Variants in OTOG observed in about 807,000 individuals in gnomAD.
OTOG encodes the protein otogelin.
OTOG carries 296 observed loss-of-function variants against 313.8 expected under a neutral mutation model. That is an observed-to-expected ratio of 0.94 (90% CI 0.86 to 1.04). The LOEUF (loss-of-function observed/expected upper bound fraction) is 1.04, where lower values mean the gene tolerates loss of function less well. Among genes scored for constraint, OTOG ranks in the 50% least tolerant of loss-of-function variants. The pLI is 0.00. For synonymous variants in OTOG, 1,533 were observed against 1,554.9 expected, an observed-to-expected ratio of 0.99 and a Z score of 0.33; for missense variants, 3,948 against 3,840.1, an observed-to-expected ratio of 1.03 and a Z score of -0.74.
chr11:17,566,574 A>G (rs1233605068), intron 15 of OTOG, among the ~76,000 whole-genome samples: 1 of 152,206 alleles, frequency 6.6e-6, no homozygotes, highest in East Asian at 1.9e-4. Flanking sequence ...TTCCACATGG[A>G]TCATTCTAGC....
At position 17,610,447 on chromosome 11, in the gene OTOG, G is replaced by A. The variant is rs575893721; in HGVS notation, c.5147G>A (p.Ser1716Asn). The A allele has an allele frequency of 3.9e-6, 6 of 1,550,604 alleles. No homozygotes were observed. The South Asian group carries it at 7.1e-5, about 18-fold the overall frequency. ...QVPVSPLATR[S>N]LEIVLSTEKG... is the part of the protein sequence containing the mutation. ...CCTGTCAGTCCCCTTGCAACCAGGAGCTTGGAGATAGTGCTATCCACAGAG... is the reference window on the plus strand; with the variant it reads ...CCTGTCAGTCCCCTTGCAACCAGGAACTTGGAGATAGTGCTATCCACAGAG... The change falls in exon 36 of 56, where the codon AGC (serine) becomes AAC (asparagine). Residue 1716 changes from serine (S) to asparagine (N), a missense_variant. By Grantham distance (46) the Ser-to-Asn change is conservative (BLOSUM62 1). Transcript: ENST00000399397.
Position 17,596,958 on chromosome 11 carries a change from G to A in OTOG, c.3633G>A (p.Gln1211=). Residue 1211 remains glutamine, a synonymous_variant, in exon 30 of 56, where the codon CAG becomes CAA. Coordinates refer to ENST00000399397, the MANE Select transcript of OTOG (RefSeq NM_001292063.2). The stretch of plus-strand genomic sequence containing the variant: ...CCAGCGTCTCCGCTTATGCCCACCA[G>A]TGTTGCCAGCATGGGGTGGCTGTTG... ...FCASVSAYAH[Q]CCQHGVAVDW... The A allele has an allele frequency of 1.3e-6, 2 of 1,550,668 alleles. No homozygotes were observed. Among genetic ancestry groups the A allele is most frequent in the Non-Finnish European group, 1.7e-6 (2 of 1,147,016 alleles).
intron 15 of OTOG, among the ~76,000 whole-genome samples, chr11:17,567,782 T>G (rs1267107166): frequency 6.6e-6 from 1 of 152,250 alleles, no homozygotes; most frequent in African/African-American, 2.4e-5. Context: ...CTCCTTCTTC[T>G]TCTTCTCTCT....
At chr11:17,579,317 A>C (rs1413832214) in intron 23 of OTOG, among the ~76,000 whole-genome samples, 1 of 152,188 alleles carries the variant, frequency 6.6e-6, no homozygotes, top group Non-Finnish European at 1.5e-5. Context: ...GGGGACAGTC[A>C]GTTGGAGCTT....
At chr11:17,562,054 T>C (rs867603310) in intron 15 of OTOG, among the ~76,000 whole-genome samples, 1 of 138,118 alleles carries the variant, frequency 7.2e-6, no homozygotes, top group East Asian at 2.0e-4. Context: ...AAAATATATA[T>C]ATATATATAT....
At chr11:17,558,065 A>C in intron 8 of OTOG, 120 bp from the exon 9 acceptor site, 1 of 1,250,850 alleles carries the variant, frequency 8.0e-7, no homozygotes, top group Non-Finnish European at 1.1e-6. Flanking sequence ...AGCTCAGGAG[A>C]CCGGATTCTT....
At chr11:17,635,771 C>T in intron 47 of OTOG, 60 bp downstream of exon 47, 5 of 1,370,306 alleles carry the variant, frequency 3.6e-6, no homozygotes, top group Admixed American at 3.9e-5. Flanking sequence ...ACAGAGTTCC[C>T]ACCCCGGACC....
At chr11:17,601,955 C>T (rs767351495) in intron 31 of OTOG, among the ~76,000 whole-genome samples, 4 of 152,138 alleles carry the variant, frequency 2.6e-5, no homozygotes, top group Admixed American at 2.0e-4. Flanking sequence ...GGGTCGCCTT[C>T]TTCCTTGGCT....
At chr11:17,595,066 A>G (rs141675447) in intron 28 of OTOG, among the ~76,000 whole-genome samples, 76 of 152,270 alleles carry the variant, frequency 5.0e-4, no homozygotes, top group African/African-American at 1.7e-3. Flanking sequence ...CCCTGCTGGG[A>G]AGTACACGGA....
At chr11:17,638,642 C>A (rs1847903660) in intron 48 of OTOG, 93 bp downstream of exon 48, 1 of 1,482,990 alleles carries the variant, frequency 6.7e-7, no homozygotes, top group African/African-American at 1.4e-5. Flanking sequence ...CCGTCCACTC[C>A]TCTCAGATCT....
In OTOG at chr11:17,547,503, G is replaced by C. The variant is rs111425080; in HGVS notation, c.94+37G>C. 3.0e-6 allele frequency: 4 copies of C among 1,326,588 alleles called. No individual in the cohort carries two copies. In the African/African-American group the frequency reaches 4.6e-5, roughly 15 times the overall value. The allele number at this position is 1,326,588 out of a possible 1,614,324, so 82.2% of individuals were successfully genotyped here. On this transcript the variant is annotated intron_variant, in intron 1 of 55. Transcript: ENST00000399397. ...GTGGACTCAGGGAGGTCGGGGGCTC[G>C]AGGAATGAGAAACGTTAAAGGAATG...
At chr11:17,627,464 T>G (rs548561788) in intron 39 of OTOG, among the ~76,000 whole-genome samples, 15 of 152,302 alleles carry the variant, frequency 9.8e-5, no homozygotes, top group Non-Finnish European at 1.9e-4. Flanking sequence ...CAATTAATGA[T>G]CTTTTTGATG....
At chr11:17,614,245 G>T (rs1043633551) in intron 39 of OTOG, among the ~76,000 whole-genome samples, 4 of 151,782 alleles carry the variant, frequency 2.6e-5, no homozygotes, top group Admixed American at 2.6e-4. Context: ...AGGTCCCAAA[G>T]TTGTGAGTCT....
intron 24 of OTOG, 119 bp downstream of exon 24, chr11:17,586,700 G>C: frequency 2.0e-6 from 1 of 500,908 alleles, no homozygotes; most frequent in East Asian, 3.6e-5. Context: ...CATGTTGTGC[G>C]TTTGTGTGTT....
At chr11:17,572,241 T>C (rs1336212817) in intron 18 of OTOG, 37 bp downstream of exon 18, 1 of 1,547,564 alleles carries the variant, frequency 6.5e-7, no homozygotes, top group Non-Finnish European at 8.7e-7. Context: ...CATGGTTGAG[T>C]GGGGTGGGGA....
intron 3 of OTOG, among the ~76,000 whole-genome samples, chr11:17,549,339 G>T (rs1851883906): frequency 6.6e-6 from 1 of 152,192 alleles, no homozygotes; most frequent in African/African-American, 2.4e-5. Context: ...TGACAGCAAT[G>T]AGTCCCAACT....
intron 15 of OTOG, among the ~76,000 whole-genome samples, chr11:17,564,719 T>C (rs1033104285): frequency 3.3e-5 from 5 of 152,226 alleles, no homozygotes; most frequent in Admixed American, 2.6e-4. Flanking sequence ...TTTGACTAAC[T>C]ACTTTGCAAA....
In OTOG at chr11:17,609,991, C is replaced by A; in HGVS notation, c.4691C>A (p.Thr1564Lys). The change falls in exon 36 of 56, where the codon ACA (threonine) becomes AAA (lysine). Residue 1564 changes from threonine to lysine, a missense_variant. Coordinates refer to ENST00000399397, the MANE Select transcript of OTOG (RefSeq NM_001292063.2). Reference sequence around the variant, plus strand: ...GCCAGCCTCCTGGCCATCCCCCATACACCAGAGTCCTCATCCCTCCCTGTT... The same window carrying A: ...GCCAGCCTCCTGGCCATCCCCCATAAACCAGAGTCCTCATCCCTCCCTGTT... ...VTASLLAIPH[T>K]PESSSLPVAL... The A allele has an allele frequency of 6.5e-7, 1 of 1,543,504 alleles. No homozygotes were observed. The highest frequency in any genetic ancestry group is 8.8e-7 in the Non-Finnish European group (1 of 1,142,316).
chr11:17,613,455 T>C (rs1314289945), intron 38 of OTOG, among the ~76,000 whole-genome samples, 157 bp from the exon 39 acceptor site: 1 of 151,216 alleles, frequency 6.6e-6, no homozygotes, highest in African/African-American at 2.4e-5. Flanking sequence ...AACAGTTCCA[T>C]GCAATCCTGG....
Sources: gnomAD v4.1 joint callset for allele counts (sites outside exome capture counted in the v4.1 genomes callset) on GRCh38, gnomAD v4.1.1 for gene constraint, MANE v1.5 for transcripts, NCBI Gene and HGNC (gene_info 2026-07-23, HGNC 2026-07-21) for gene names.